GPX3: variants seen among roughly 807,000 people sequenced by gnomAD.
GPX3 encodes GPx-3.
A neutral mutation model predicts 25.1 loss-of-function variants in GPX3; 22 were observed. The observed-to-expected ratio is 0.88, with a 90% CI of 0.63 to 1.25. The LOEUF (loss-of-function observed/expected upper bound fraction) is 1.25, where lower values mean the gene tolerates loss of function less well. Among genes scored for constraint, GPX3 ranks in the 50% most tolerant of loss-of-function variants. The pLI is 0.00. For missense variants in GPX3, 278 were observed against 286.6 expected (o/e 0.97, Z 0.22); for synonymous variants, 110 against 114.5 (o/e 0.96, Z 0.25).
Position 151,027,902 on chromosome 5 carries a change from G to A in GPX3, c.460-7G>A. The A allele has an allele frequency of 1.9e-6, 3 of 1,613,014 alleles. No homozygotes were observed. Among genetic ancestry groups the A allele is most frequent in the Non-Finnish European group, 2.5e-6 (3 of 1,178,994 alleles). On this transcript the variant is annotated splice_polypyrimidine_tract_variant and splice_region_variant and intron_variant, in intron 4 of 4. Coordinates refer to ENST00000388825, the MANE Select transcript of GPX3 (RefSeq NM_002084.5). The stretch of plus-strand genomic sequence containing the variant: ...CAAGGTTGACACTCCTCTTATCCCT[G>A]CTCTAGAACTCCTGTCCTCCCACCT...
chr5:151,027,101 A>G, intron 3 of GPX3, 84 bp downstream of exon 3: 1 of 904,686 alleles, frequency 1.1e-6, no homozygotes. Context: ...GTGGACATTT[A>G]TCGGCCACCA....
intron 1 of GPX3, among the ~76,000 whole-genome samples, chr5:151,022,712 C>T (rs1353136547): frequency 1.3e-5 from 2 of 152,194 alleles, no homozygotes; most frequent in African/African-American, 2.4e-5. Context: ...AGGCTGCCCA[C>T]GCTCCTTGTC....
rs2070593 is a variant in GPX3, at chr5:151,028,379, G to A, written c.*249G>A. 116,902 of 512,544 alleles carry A rather than the reference G, an allele frequency of 0.23. 15,946 individuals carry two copies. Among genetic ancestry groups the A allele is most frequent in the East Asian group, 0.57 (16,349 of 28,882 alleles). The allele number at this position is 512,544 out of a possible 1,614,324, so 31.7% of individuals were successfully genotyped here. ...TGTGTGTGCATGGGTGTACAGCCAC[G>A]TGTCTACCTATGTGTCTTTCTGGGA... On this transcript the variant is annotated 3_prime_UTR_variant, in exon 5 of 5. Coordinates refer to ENST00000388825, the MANE Select transcript of GPX3 (RefSeq NM_002084.5).
In GPX3 at chr5:151,020,742, G is replaced by A. The variant is rs74839507; in HGVS notation, c.87+1G>A. ...GAGCCGGGGACAAGAGAAGTCGAAG[G>A]TGAGTGAGCCTCCGGGCCGGGGGCC... On this transcript the variant is annotated splice_donor_variant, in intron 1 of 4. Transcript: ENST00000388825. LOFTEE classifies it high-confidence loss of function. 8.1e-6 allele frequency: 13 copies of A among 1,611,176 alleles called. No homozygotes were observed. Among genetic ancestry groups the A allele is most frequent in the East Asian group, 2.2e-5 (1 of 44,794 alleles).
chr5:151,026,260 G>A (rs1244428767), intron 2 of GPX3, among the ~76,000 whole-genome samples: 2 of 152,180 alleles, frequency 1.3e-5, no homozygotes, highest in Non-Finnish European at 2.9e-5. Flanking sequence ...GGAGGCAAGG[G>A]CAATTTGACC....
chr5:151,028,032 A>C lies in GPX3; in HGVS notation c.583A>C (p.Ile195Leu), dbSNP rs1581699970. 2.5e-6 allele frequency: 4 copies of C among 1,614,138 alleles called. No individual in the cohort carries two copies. The East Asian group carries it at 8.9e-5, about 36-fold the overall frequency. Reference sequence around the variant, plus strand: ...CCTGGTGGGGCCAGATGGTATACCCATCATGCGCTGGCACCACCGGACCAC... The same window carrying C: ...CCTGGTGGGGCCAGATGGTATACCCCTCATGCGCTGGCACCACCGGACCAC... ...KFLVGPDGIP[I>L]MRWHHRTTVS... Residue 195 changes from isoleucine to leucine, a missense_variant, in exon 5 of 5, where the codon ATC becomes CTC. Physicochemically the swap from Ile to Leu is conservative, Grantham distance 5 (BLOSUM62 2). Transcript: ENST00000388825.
At chr5:151,024,920 T>A (rs549505245) in intron 1 of GPX3, among the ~76,000 whole-genome samples, 91 of 152,080 alleles carry the variant, frequency 6.0e-4, no homozygotes, top group African/African-American at 2.2e-3. Flanking sequence ...ACCCAACCAG[T>A]CTCCATCAGC....
chr5:151,023,724 C>T (rs950961731), intron 1 of GPX3, among the ~76,000 whole-genome samples: 5 of 152,056 alleles, frequency 3.3e-5, no homozygotes, highest in South Asian at 4.1e-4. Flanking sequence ...CATTTTAAGG[C>T]GGAACTGGCC....
chr5:151,028,258 C>A lies in GPX3; in HGVS notation c.*128C>A. 1.2e-6 allele frequency: 1 copy of A among 820,052 alleles called. No individual in the cohort carries two copies. The highest frequency in any genetic ancestry group is 2.0e-6 in the Non-Finnish European group (1 of 506,208). 50.8% of individuals were successfully genotyped at this position (820,052 alleles called of 1,614,324 possible). A position where few individuals can be genotyped will look rare whatever the true frequency, so the allele number is the denominator to read the frequency against. On this transcript the variant is annotated 3_prime_UTR_variant, in exon 5 of 5. Coordinates refer to ENST00000388825, the MANE Select transcript of GPX3 (RefSeq NM_002084.5). The stretch of plus-strand genomic sequence containing the variant: ...CCTATCACTCAAGGCCCCAGCCTGG[C>A]ACAAATGGATGCATACAGTTCTGTG...
At chr5:151,026,718 T>G in intron 2 of GPX3, 182 bp from the exon 3 acceptor site, 1 of 555,444 alleles carries the variant, frequency 1.8e-6, no homozygotes, top group Non-Finnish European at 3.2e-6. Context: ...CAGATTAGAG[T>G]CAAGAGGATA....
At chr5:151,023,231 T>C (rs774023039) in intron 1 of GPX3, among the ~76,000 whole-genome samples, 1 of 152,108 alleles carries the variant, frequency 6.6e-6, no homozygotes, top group African/African-American at 2.4e-5. Flanking sequence ...AGGGGGCTCA[T>C]AGAGGACTGA....
rs1756532385 is a variant in GPX3 at position 151,025,399 on chromosome 5, T to C, written c.147T>C (p.Asp49=). Reference sequence around the variant, plus strand: ...ACGAGTACGGAGCCCTCACCATTGATGGGGAGGAGTACATCCCCTTCAAGC... The same window carrying C: ...ACGAGTACGGAGCCCTCACCATTGACGGGGAGGAGTACATCCCCTTCAAGC... The part of the protein sequence containing the change: ...TIYEYGALTI[D]GEEYIPFKQY... Residue 49 remains aspartate, a synonymous_variant, in exon 2 of 5, where the codon GAT becomes GAC. Coordinates refer to ENST00000388825, the MANE Select transcript of GPX3 (RefSeq NM_002084.5). 6.2e-7 allele frequency: 1 copy of C among 1,612,302 alleles called. No individual in the cohort carries two copies. Among genetic ancestry groups the C allele is most frequent in the Non-Finnish European group, 8.5e-7 (1 of 1,178,902 alleles).
rs1211026131 is a variant in GPX3, at chr5:151,020,624, C to T, written c.-31C>T. The T allele has an allele frequency of 6.3e-7, 1 of 1,578,546 alleles. No individual in the cohort carries two copies. The highest frequency in any genetic ancestry group is 8.6e-7 in the Non-Finnish European group (1 of 1,161,378). On this transcript the variant is annotated 5_prime_UTR_variant, in exon 1 of 5. Coordinates refer to ENST00000388825, the MANE Select transcript of GPX3 (RefSeq NM_002084.5). ...GGTGGCCAGGGATCAGGCAGCGGCT[C>T]AGGCGACCCTGAGTGTGCCCCCACC...
Position 151,027,421 on chromosome 5 carries a change from T to C in GPX3, c.360-11T>C. ...CCTCCTTGGGACCCACCTAAGAACA[T>C]TTCTCAACAGGTATGTCCGACCAGG... On this transcript the variant is annotated splice_polypyrimidine_tract_variant and intron_variant, in intron 3 of 4. Coordinates refer to ENST00000388825, the MANE Select transcript of GPX3 (RefSeq NM_002084.5). The C allele has an allele frequency of 6.3e-7, 1 of 1,597,830 alleles. No individual in the cohort carries two copies. Among genetic ancestry groups the C allele is most frequent in the Non-Finnish European group, 8.6e-7 (1 of 1,165,300 alleles).
At position 151,027,546 on chromosome 5, in the gene GPX3, A is replaced by G. The variant is rs777283698; in HGVS notation, c.459+15A>G. 8.5e-6 allele frequency: 13 copies of G among 1,533,682 alleles called. No homozygotes were observed. The East Asian group carries it at 1.1e-4, about 13-fold the overall frequency. On this transcript the variant is annotated intron_variant, in intron 4 of 4. Coordinates refer to ENST00000388825, the MANE Select transcript of GPX3 (RefSeq NM_002084.5). ...CTTTCCTAAAGGTAAGTGAGCTGCCACCTGTGCTGGCTGGGGCTGCAGCCC... is the reference window on the plus strand; with the variant it reads ...CTTTCCTAAAGGTAAGTGAGCTGCCGCCTGTGCTGGCTGGGGCTGCAGCCC...
At position 151,025,409 on chromosome 5, in the gene GPX3, T is replaced by C; in HGVS notation, c.157T>C (p.Tyr53His). The C allele has an allele frequency of 6.2e-7, 1 of 1,610,310 alleles. No individual in the cohort carries two copies. The highest frequency in any genetic ancestry group is 8.5e-7 in the Non-Finnish European group (1 of 1,178,004). ...YGALTIDGEE[Y>H]IPFKQYAGKY... is the part of the protein sequence containing the mutation. Reference sequence around the variant, plus strand: ...AGCCCTCACCATTGATGGGGAGGAGTACATCCCCTTCAAGCAGTATGCTGG... The same window carrying C: ...AGCCCTCACCATTGATGGGGAGGAGCACATCCCCTTCAAGCAGTATGCTGG... The change falls in exon 2 of 5, where the codon TAC (tyrosine) becomes CAC (histidine). Residue 53 changes from tyrosine to histidine, a missense_variant. Physicochemically the swap from Tyr to His is moderately conservative, Grantham distance 83 (BLOSUM62 2). Transcript: ENST00000388825.
Position 151,028,426 on chromosome 5 carries a change from G to A in GPX3, c.*296G>A. On this transcript the variant is annotated 3_prime_UTR_variant, in exon 5 of 5. Transcript: ENST00000388825. ...GGGAATGTGTACCATCTGTGTGCCT[G>A]CAGCTGTGTAGTGCTGGACAGTGAC... The A allele has an allele frequency of 2.3e-6, 1 of 428,934 alleles. No homozygotes were observed. Among genetic ancestry groups the A allele is most frequent in the Non-Finnish European group, 4.4e-6 (1 of 227,788 alleles). 26.6% of individuals were successfully genotyped at this position (428,934 alleles called of 1,614,324 possible).
chr5:151,028,139 C>T lies in GPX3; in HGVS notation c.*9C>T, dbSNP rs768783389. 10 of 1,555,290 alleles carry T rather than the reference C, an allele frequency of 6.4e-6. No homozygotes were observed. Among genetic ancestry groups the T allele is most frequent in the African/African-American group, 2.7e-5 (2 of 73,226 alleles). The stretch of plus-strand genomic sequence containing the variant: ...GGGTCAAGAGGAAGTAACTGAAGGC[C>T]GTCTCATCCCATGTCCACCATGTAG... On this transcript the variant is annotated 3_prime_UTR_variant, in exon 5 of 5. Coordinates refer to ENST00000388825, the MANE Select transcript of GPX3 (RefSeq NM_002084.5).
chr5:151,020,891 T>C (rs548783231), intron 1 of GPX3, 150 bp downstream of exon 1: 54 of 763,536 alleles, frequency 7.1e-5, no homozygotes, highest in South Asian at 7.1e-4. Context: ...TGCCGCCCCC[T>C]CCGCCGCCGG....
Sources: allele counts gnomAD v4.1 joint callset (sites outside exome capture counted in the v4.1 genomes callset), GRCh38; gene constraint gnomAD v4.1.1; transcripts MANE v1.5; gene names NCBI Gene and HGNC (gene_info 2026-07-23, HGNC 2026-07-21).